The following PPP2R2A variants were observed in gnomAD, a reference collection of about 807,000 sequenced individuals.
PPP2R2A encodes the protein serine/threonine-protein phosphatase 2A 55 kDa regulatory subunit B alpha isoform.
A neutral mutation model predicts 53.2 loss-of-function variants in PPP2R2A; 9 were observed. The ratio of observed to expected loss-of-function variants is 0.17; its 90% CI spans 0.10 to 0.30. PPP2R2A has a LOEUF of 0.30. Ranked by LOEUF, PPP2R2A falls within the 10% of genes least tolerant of loss-of-function variation. PPP2R2A has a pLI of 1.00. For synonymous variants in PPP2R2A, 169 were observed against 174.2 expected (o/e 0.97, Z 0.23); for missense variants, 235 against 534.6 (o/e 0.44, Z 5.53).
intron 3 of PPP2R2A, among the ~76,000 whole-genome samples, chr8:26,343,275 T>C: frequency 6.6e-6 from 1 of 152,186 alleles, no homozygotes; most frequent in Admixed American, 6.5e-5. Context: ...TCATAGAATG[T>C]AAGAGCTAAC....
rs1003871341 is a variant in PPP2R2A at position 26,365,183 on chromosome 8, G to A, written c.973-1132G>A. The A allele has an allele frequency of 5.3e-5, 8 of 152,212 alleles. No homozygotes were observed. The South Asian group carries it at 1.7e-3, about 32-fold the overall frequency. 9.4% of individuals were successfully genotyped at this position (152,212 alleles called of 1,614,324 possible). On this transcript the variant is annotated intron_variant, in intron 8 of 9. Transcript: ENST00000380737. Reference sequence around the variant, plus strand: ...ACTTTTCTACTTATAAACAGTTGGAGTAGTGATTAAAAGTAGTCACATTAT... The same window carrying A: ...ACTTTTCTACTTATAAACAGTTGGAATAGTGATTAAAAGTAGTCACATTAT...
At chr8:26,350,562 G>C (rs1273002527) in intron 3 of PPP2R2A, 3 of 152,014 alleles carry the variant, frequency 2.0e-5, no homozygotes, top group African/African-American at 7.2e-5. Context: ...TGCAACACTT[G>C]ACTAATTTTT....
Position 26,362,748 on chromosome 8 carries a change from T to G in PPP2R2A, c.702T>G (p.Phe234Leu), listed in dbSNP as rs940606248. The G allele has an allele frequency of 6.2e-6, 10 of 1,613,964 alleles. No homozygotes were observed. The Admixed American group carries it at 6.7e-5, about 11-fold the overall frequency. ...CAGAGGTGATTACAGCAGCAGAATT[T>G]CATCCAAACAGCTGTAACACATTTG... ...ELTEVITAAEFHPNSCNTFVY... is the reference protein window; with the variant it reads ...ELTEVITAAELHPNSCNTFVY... The change falls in exon 7 of 10, where the codon TTT becomes TTG. Residue 234 changes from phenylalanine to leucine, a missense_variant. Phe to Leu is a conservative substitution (Grantham distance 22, BLOSUM62 0). This residue lies in a region of PPP2R2A where 181 missense variants were observed against 409.9 expected (regional missense o/e 0.44). Coordinates refer to ENST00000380737, the MANE Select transcript of PPP2R2A (RefSeq NM_002717.4). This position sits in a 1 kb window ranked among gnomAD's most constrained non-coding sequence, Gnocchi z 4.4.
chr8:26,329,430 CTGCATTG>C (rs1195286743), intron 2 of PPP2R2A, among the ~76,000 whole-genome samples: 2 of 152,090 alleles, frequency 1.3e-5, no homozygotes, highest in African/African-American at 4.8e-5. Context: ...AAGTTAAAAT[CTGCATTG>C]GGCATTGGGC....
chr8:26,325,493 G>A (rs573996510), intron 2 of PPP2R2A, among the ~76,000 whole-genome samples: 17 of 152,196 alleles, frequency 1.1e-4, no homozygotes, highest in South Asian at 2.1e-4. Flanking sequence ...GCGTGAAAAC[G>A]GACTAATACA....
chr8:26,369,107 CAAA>C (rs1286986545), intron 9 of PPP2R2A, among the ~76,000 whole-genome samples: 1 of 132,256 alleles, frequency 7.6e-6, no homozygotes, highest in African/African-American at 2.8e-5. Context: ...GACTCCGTCT[CAAA>C]AAAAAAAAAA....
intron 9 of PPP2R2A, 116 bp downstream of exon 9, chr8:26,366,522 A>G: frequency 2.8e-6 from 2 of 702,512 alleles, no homozygotes. Flanking sequence ...GTAATTTTAG[A>G]TATAGCACAG....
chr8:26,363,000 TG>T lies in PPP2R2A; in HGVS notation c.802+153del. 1 of 651,596 alleles carries T rather than the reference TG, an allele frequency of 1.5e-6. No individual in the cohort carries two copies. The allele number at this position is 651,596 out of a possible 1,614,324, so 40.4% of individuals were successfully genotyped here. A position where few individuals can be genotyped will look rare whatever the true frequency, so the allele number is the denominator to read the frequency against. Reference sequence around the variant, plus strand: ...CCTTGGTAATCTGCCTACCTCCTCATGAGGCATTCCAGGTTATTCCTGGAAG... The same window carrying T: ...CCTTGGTAATCTGCCTACCTCCTCATAGGCATTCCAGGTTATTCCTGGAAG... On this transcript the variant is annotated intron_variant, in intron 7 of 9. Coordinates refer to ENST00000380737, the MANE Select transcript of PPP2R2A (RefSeq NM_002717.4). This position sits in a 1 kb window ranked among gnomAD's most constrained non-coding sequence, Gnocchi z 4.4.
At chr8:26,326,776 A>G (rs1231477470) in intron 2 of PPP2R2A, among the ~76,000 whole-genome samples, 2 of 152,230 alleles carry the variant, frequency 1.3e-5, no homozygotes, top group African/African-American at 2.4e-5. Context: ...TTAGCCAGTT[A>G]AAAGTTGAGG....
rs139544557 is a variant in PPP2R2A, at chr8:26,302,097, G to A, written c.82+8357G>A. On this transcript the variant is annotated intron_variant, in intron 2 of 9. Transcript: ENST00000380737. ...GTGGTTGTCTGGAGGAACAGCATTG[G>A]TGCAGCTGTTTTGAGTTTCAACTGC... 1.9e-4 allele frequency among the ~76,000 whole-genome samples: 29 copies of A among 152,312 alleles called. No individual in the cohort carries two copies. In the East Asian group the frequency reaches 5.4e-3, roughly 28 times the overall value.
intron 8 of PPP2R2A, among the ~76,000 whole-genome samples, chr8:26,364,701 G>A (rs1805277164): frequency 6.6e-6 from 1 of 152,112 alleles, no homozygotes; most frequent in African/African-American, 2.4e-5. Flanking sequence ...AATAAATACT[G>A]CACTGAAACA....
intron 6 of PPP2R2A, among the ~76,000 whole-genome samples, chr8:26,361,669 A>G (rs1021680429): frequency 1.3e-5 from 2 of 152,084 alleles, no homozygotes; most frequent in African/African-American, 4.8e-5. Context: ...TTTATTGTAA[A>G]AATAGTCTCA....
chr8:26,300,852 A>G (rs911097261), intron 2 of PPP2R2A, among the ~76,000 whole-genome samples: 6 of 152,194 alleles, frequency 3.9e-5, no homozygotes, highest in Admixed American at 1.3e-4. Flanking sequence ...CTCCATCTCA[A>G]AAAAGAAAAG....
intron 3 of PPP2R2A, among the ~76,000 whole-genome samples, chr8:26,353,069 A>C (rs1804602555): frequency 6.6e-6 from 1 of 152,210 alleles, no homozygotes; most frequent in African/African-American, 2.4e-5. Flanking sequence ...TGTAGACTAT[A>C]ATGATAAATT....
chr8:26,298,045 A>G (rs1801618965), intron 2 of PPP2R2A, among the ~76,000 whole-genome samples: 1 of 152,256 alleles, frequency 6.6e-6, no homozygotes, highest in Non-Finnish European at 1.5e-5. Flanking sequence ...AAAAAGTACT[A>G]TAAAAGTCAG....
intron 6 of PPP2R2A, among the ~76,000 whole-genome samples, chr8:26,361,847 G>C (rs1805102479): frequency 6.6e-6 from 1 of 151,746 alleles, no homozygotes; most frequent in Non-Finnish European, 1.5e-5. Context: ...TGTAATCTAA[G>C]CTACATGGGA....
At chr8:26,315,015 G>T (rs1802479950) in intron 2 of PPP2R2A, among the ~76,000 whole-genome samples, 1 of 150,844 alleles carries the variant, frequency 6.6e-6, no homozygotes, top group Non-Finnish European at 1.5e-5. Context: ...TTTGCTCTTT[G>T]GAAATAATGT....
chr8:26,331,897 G>A (rs1375312277), intron 2 of PPP2R2A, among the ~76,000 whole-genome samples: 25 of 152,152 alleles, frequency 1.6e-4, no homozygotes, highest in Admixed American at 1.6e-3. Context: ...GCAATGTTTA[G>A]AGTGTTTTAT....
intron 2 of PPP2R2A, among the ~76,000 whole-genome samples, chr8:26,324,315 AT>A (rs1489570208): frequency 6.6e-6 from 1 of 152,174 alleles, no homozygotes; most frequent in Non-Finnish European, 1.5e-5. Context: ...TGCCTGATAC[AT>A]TTTATATTAT....
Sources: gnomAD v4.1 joint callset for allele counts (sites outside exome capture counted in the v4.1 genomes callset) on GRCh38, gnomAD v4.1.1 for gene constraint, gnomAD v4.1.1 regional missense constraint, Gnocchi (gnomAD v3.1) non-coding constraint, MANE v1.5 for transcripts, NCBI Gene and HGNC (gene_info 2026-07-23, HGNC 2026-07-21) for gene names.